The following PRLR variants were observed in gnomAD, a reference collection of about 807,000 sequenced individuals.
The protein encoded by PRLR is hPRL receptor.
PRLR carries 13 observed loss-of-function variants against 40.2 expected under a neutral mutation model. The ratio of observed to expected loss-of-function variants is 0.32; its 90% confidence interval spans 0.21 to 0.51. The LOEUF is 0.51. PRLR is among the 20% of genes least tolerant of loss of function. The probability of loss-of-function intolerance (pLI) is 0.97; values close to 1 mark genes in which losing one functional copy is unlikely to be tolerated. For missense variants in PRLR, 656 were observed against 747.3 expected (o/e 0.88, Z 1.42); for synonymous variants, 269 against 278.7 (o/e 0.97, Z 0.35).
Position 35,057,940 on chromosome 5 carries a change from T to C in PRLR, c.*7149A>G, listed in dbSNP as rs1436764516. On this transcript the variant is annotated 3_prime_UTR_variant, in exon 10 of 10. Transcript: ENST00000618457. ...CAATTTGTAAGAGATATCATTATCA[T>C]GGCTTTGGACAACTATGAGGTGACT... 6.6e-6 allele frequency: 1 copy of C among 152,166 alleles called. No homozygotes were observed. The highest frequency in any genetic ancestry group is 1.5e-5 in the Non-Finnish European group (1 of 68,006). 9.4% of individuals were successfully genotyped at this position (152,166 alleles called of 1,614,324 possible).
At chr5:35,151,215 G>A (rs544254505) in intron 1 of PRLR, among the ~76,000 whole-genome samples, 5 of 152,244 alleles carry the variant, frequency 3.3e-5, no homozygotes, top group East Asian at 1.9e-4. Context: ...TCCAGCTGGT[G>A]GTTTCTAAGA....
chr5:35,049,846 C>T (rs943044565), intron 8 of PRLR, among the ~76,000 whole-genome samples: 28 of 151,182 alleles, frequency 1.9e-4, no homozygotes, highest in Non-Finnish European at 3.4e-4. Context: ...AAATGCATCT[C>T]AGTAAGATGA....
chr5:35,123,403 TAA>T (rs139522782), intron 1 of PRLR, among the ~76,000 whole-genome samples: 3,940 of 152,300 alleles, frequency 0.026, 80 homozygotes, highest in Middle Eastern at 0.037. Context: ...ACTAAAAACA[TAA>T]GTGACATTTG....
chr5:35,176,403 A>G (rs1775148270), intron 1 of PRLR, among the ~76,000 whole-genome samples: 1 of 152,206 alleles, frequency 6.6e-6, no homozygotes, highest in African/African-American at 2.4e-5. Context: ...AAAGCAAGAG[A>G]GATCAGATTG....
intron 1 of PRLR, among the ~76,000 whole-genome samples, chr5:35,202,058 T>C (rs1347710046): frequency 6.6e-6 from 1 of 152,182 alleles, no homozygotes; most frequent in East Asian, 1.9e-4. Context: ...TTGTCTGGGA[T>C]CACCTAACTA....
At chr5:35,083,359 G>A (rs190406843) in intron 5 of PRLR, among the ~76,000 whole-genome samples, 33 of 152,054 alleles carry the variant, frequency 2.2e-4, no homozygotes, top group Admixed American at 7.9e-4. Context: ...AGAGCTTCCC[G>A]TTCAGCTTGG....
At chr5:35,109,415 T>A (rs1344042564) in intron 2 of PRLR, among the ~76,000 whole-genome samples, 10 of 152,110 alleles carry the variant, frequency 6.6e-5, no homozygotes, top group Non-Finnish European at 1.3e-4. Flanking sequence ...GAAATCACCA[T>A]CAGAGCGAAC....
intron 1 of PRLR, among the ~76,000 whole-genome samples, chr5:35,196,623 A>C (rs1194298323): frequency 6.6e-6 from 1 of 152,220 alleles, no homozygotes; most frequent in African/African-American, 2.4e-5. Flanking sequence ...TTGCTCCTGC[A>C]GGAATCCCCC....
At chr5:35,143,448 C>A (rs1241072293) in intron 1 of PRLR, among the ~76,000 whole-genome samples, 1 of 152,206 alleles carries the variant, frequency 6.6e-6, no homozygotes, top group East Asian at 1.9e-4. Flanking sequence ...TGACATTCCT[C>A]CCCTATCATC....
chr5:35,161,966 T>G (rs540911815), intron 1 of PRLR, among the ~76,000 whole-genome samples: 1 of 152,362 alleles, frequency 6.6e-6, no homozygotes, highest in Non-Finnish European at 1.5e-5. Flanking sequence ...TGATACTTTT[T>G]AAAGCCAATT....
chr5:35,054,471 G>A (rs1487893963), downstream of PRLR, among the ~76,000 whole-genome samples: 1 of 150,948 alleles, frequency 6.6e-6, no homozygotes, highest in African/African-American at 2.5e-5. Context: ...CACAACTTTT[G>A]TCATTTATGG....
intron 1 of PRLR, among the ~76,000 whole-genome samples, chr5:35,167,450 A>T (rs1774874001): frequency 6.6e-6 from 1 of 152,072 alleles, no homozygotes. Context: ...GTGAGCCCAG[A>T]CTAAAACTGA....
intron 2 of PRLR, among the ~76,000 whole-genome samples, chr5:35,117,185 T>G (rs1773076865): frequency 1.3e-5 from 2 of 152,144 alleles, no homozygotes; most frequent in African/African-American, 4.8e-5. Flanking sequence ...GAGGGCAAGT[T>G]CAGGCTCAGA....
At chr5:35,102,443 G>T (rs1427429134) in intron 2 of PRLR, among the ~76,000 whole-genome samples, 1 of 146,056 alleles carries the variant, frequency 6.8e-6, no homozygotes, top group Non-Finnish European at 1.5e-5. Flanking sequence ...TCTTTTCTTT[G>T]CTTTTCTTTC....
intron 1 of PRLR, among the ~76,000 whole-genome samples, chr5:35,227,554 G>A (rs1776583017): frequency 1.3e-5 from 2 of 152,174 alleles, no homozygotes; most frequent in Admixed American, 1.3e-4. Context: ...GTAAATAGTA[G>A]GCATGAATAT....
chr5:35,111,624 G>C (rs539619142), intron 2 of PRLR, among the ~76,000 whole-genome samples: 1 of 152,262 alleles, frequency 6.6e-6, no homozygotes, highest in Admixed American at 6.5e-5. Context: ...TCATGGGGAA[G>C]AGATCTAAAT....
chr5:35,144,250 T>C (rs913607031), intron 1 of PRLR, among the ~76,000 whole-genome samples: 1 of 152,122 alleles, frequency 6.6e-6, no homozygotes, highest in Non-Finnish European at 1.5e-5. Flanking sequence ...GCTTAATAGA[T>C]ATTTGTAAAT....
intron 2 of PRLR, among the ~76,000 whole-genome samples, chr5:35,099,220 T>A (rs73072996): frequency 1.0e-3 from 157 of 152,286 alleles, no homozygotes; most frequent in African/African-American, 3.4e-3. Context: ...TGGGTAGAAA[T>A]AACACACAGT....
Position 35,060,104 on chromosome 5 carries a change from T to C in PRLR, c.*4985A>G, listed in dbSNP as rs771310033. On this transcript the variant is annotated 3_prime_UTR_variant, in exon 10 of 10. Transcript: ENST00000618457. ...ACTAAATAATTAATGAACATGGGCT[T>C]AATCTCTAAGTATGCAAATCTCTAA... The C allele has an allele frequency of 5.9e-5, 9 of 152,240 alleles. No individual in the cohort carries two copies. Among genetic ancestry groups the C allele is most frequent in the Admixed American group, 1.3e-4 (2 of 15,280 alleles). 9.4% of individuals were successfully genotyped at this position (152,240 alleles called of 1,614,324 possible). A position where few individuals can be genotyped will look rare whatever the true frequency, so the allele number is the denominator to read the frequency against.
Sources: gnomAD v4.1 joint callset for allele counts (sites outside exome capture counted in the v4.1 genomes callset) on GRCh38, gnomAD v4.1.1 for gene constraint, MANE v1.5 for transcripts, NCBI Gene and HGNC (gene_info 2026-07-23, HGNC 2026-07-21) for gene names.